The following DIAPH2 variants were observed in gnomAD, a reference collection of about 807,000 sequenced individuals.
DIAPH2 encodes diaphanous related formin 2, also known as protein diaphanous homolog 2.
A neutral mutation model predicts 92.7 loss-of-function variants in DIAPH2; 35 were observed. That is an observed-to-expected ratio of 0.38 (90% CI 0.29 to 0.50). The LOEUF (loss-of-function observed/expected upper bound fraction) is 0.50, where lower values mean the gene tolerates loss of function less well. DIAPH2 is among the 20% of genes least tolerant of loss of function. The probability of loss-of-function intolerance (pLI) is 0.94; values close to 1 mark genes in which losing one functional copy is unlikely to be tolerated. For synonymous variants in DIAPH2, 301 were observed against 280.4 expected (o/e 1.07, Z -0.73); for missense variants, 701 against 819.5 (o/e 0.86, Z 1.77).
intron 26 of DIAPH2, among the ~76,000 whole-genome samples, chrX:97,511,816 G>A (rs1294217771): frequency 1.8e-5 from 2 of 110,337 alleles, no homozygotes; most frequent in African/African-American, 3.3e-5. Flanking sequence ...TACATTTATT[G>A]ATTTGCATAT....
intron 19 of DIAPH2, 40 bp from the exon 20 acceptor site, chrX:97,099,654 T>C (rs761952877): frequency 2.1e-6 from 2 of 941,317 alleles, no homozygotes; most frequent in Admixed American, 3.5e-5. Flanking sequence ...AAAATTCTAA[T>C]ACTAAAACAC....
At chrX:97,034,673 G>T (rs778220931) in intron 17 of DIAPH2, among the ~76,000 whole-genome samples, 2 of 110,498 alleles carry the variant, frequency 1.8e-5, no homozygotes, top group African/African-American at 3.3e-5. Context: ...CTCTTTTCTC[G>T]TATAAAAAAA....
intron 22 of DIAPH2, among the ~76,000 whole-genome samples, chrX:97,243,670 CT>C (rs913712162): frequency 9.0e-6 from 1 of 111,122 alleles, no homozygotes; most frequent in East Asian, 2.8e-4. Context: ...GTGCCCTTTA[CT>C]TTTTTTTACT....
At chrX:97,031,352 G>A (rs1260248188) in intron 17 of DIAPH2, among the ~76,000 whole-genome samples, 1 of 95,654 alleles carries the variant, frequency 1.0e-5, no homozygotes, top group Middle Eastern at 5.1e-3. Flanking sequence ...TGGGGCGGGA[G>A]GGGGGGGGAC....
At chrX:97,492,824 T>C (rs1249422257) in intron 26 of DIAPH2, among the ~76,000 whole-genome samples, 3 of 112,397 alleles carry the variant, frequency 2.7e-5, no homozygotes, top group Non-Finnish European at 3.8e-5. Flanking sequence ...CTTTAAAATT[T>C]TTCTTTGACT....
At chrX:97,507,428 C>T (rs1218394347) in intron 26 of DIAPH2, among the ~76,000 whole-genome samples, 5 of 110,890 alleles carry the variant, frequency 4.5e-5, no homozygotes, top group Admixed American at 9.7e-5. Context: ...AAAACTCAAA[C>T]ACTACTTACT....
chrX:97,001,922 T>C (rs772609646), intron 17 of DIAPH2, among the ~76,000 whole-genome samples: 3 of 111,080 alleles, frequency 2.7e-5, no homozygotes, highest in Non-Finnish European at 5.7e-5. Flanking sequence ...TAGGGTACGA[T>C]ATTTTATGAA....
At chrX:97,238,127 C>T (rs1236899229) in intron 22 of DIAPH2, among the ~76,000 whole-genome samples, 1 of 112,083 alleles carries the variant, frequency 8.9e-6, no homozygotes, top group Non-Finnish European at 1.9e-5. Flanking sequence ...ACTGTCTGTC[C>T]ACTACTGTTG....
intron 23 of DIAPH2, among the ~76,000 whole-genome samples, chrX:97,272,891 CAT>C (rs772021203): frequency 1.8e-5 from 2 of 112,245 alleles, no homozygotes; most frequent in Non-Finnish European, 3.8e-5. Flanking sequence ...CGCAGTGGCT[CAT>C]GTGTGTAATC....
At chrX:96,914,585 T>A (rs5921875) in intron 7 of DIAPH2, among the ~76,000 whole-genome samples, 4,312 of 110,921 alleles carry the variant, frequency 0.039, 102 homozygotes, top group Middle Eastern at 0.084. Context: ...TGTTGTCAAT[T>A]GTCGTGGCTT....
intron 26 of DIAPH2, among the ~76,000 whole-genome samples, chrX:97,460,212 C>T (rs921497723): frequency 9.0e-6 from 1 of 111,672 alleles, no homozygotes; most frequent in Non-Finnish European, 1.9e-5. Flanking sequence ...CAGGCTCCTC[C>T]CCAGTGTAAA....
intron 23 of DIAPH2, among the ~76,000 whole-genome samples, chrX:97,334,142 A>G (rs2069026568): frequency 9.0e-6 from 1 of 110,658 alleles, no homozygotes; most frequent in African/African-American, 3.3e-5. Flanking sequence ...ACCTTATCTC[A>G]GAATAGTTCC....
intron 4 of DIAPH2, among the ~76,000 whole-genome samples, chrX:96,836,900 TG>T (rs1321342338): frequency 4.0e-5 from 4 of 99,741 alleles, no homozygotes; most frequent in Non-Finnish European, 8.1e-5. Flanking sequence ...GCTAATTTTT[TG>T]TATTTTTAGT....
chrX:97,509,181 G>A (rs926807855), intron 26 of DIAPH2, among the ~76,000 whole-genome samples: 26 of 109,217 alleles, frequency 2.4e-4, no homozygotes, highest in Non-Finnish European at 4.2e-4. Context: ...TGAGTAGCTG[G>A]GATTACAGAT....
intron 24 of DIAPH2, among the ~76,000 whole-genome samples, chrX:97,368,204 G>T (rs942337832): frequency 4.5e-5 from 5 of 111,830 alleles, no homozygotes; most frequent in South Asian, 3.7e-4. Context: ...TTAAATTCAG[G>T]TCCTATTATT....
chrX:97,311,846 G>A (rs1374205144), intron 23 of DIAPH2, among the ~76,000 whole-genome samples: 1 of 110,186 alleles, frequency 9.1e-6, no homozygotes, highest in Non-Finnish European at 1.9e-5. Context: ...TTGGGTGGGG[G>A]AGGACAGAGT....
intron 17 of DIAPH2, among the ~76,000 whole-genome samples, chrX:97,070,332 A>G (rs915621595): frequency 1.8e-5 from 2 of 111,917 alleles, no homozygotes; most frequent in East Asian, 5.6e-4. Flanking sequence ...TTTTAGTTTC[A>G]TCCAAGTAAC....
chrX:96,762,013 T>C (rs1045402602), intron 4 of DIAPH2, among the ~76,000 whole-genome samples: 3 of 111,870 alleles, frequency 2.7e-5, no homozygotes, highest in African/African-American at 9.7e-5. Context: ...TTTTATGATA[T>C]CCTTTTCAAC....
chrX:97,159,455 C>G (rs1184033518), intron 22 of DIAPH2, among the ~76,000 whole-genome samples: 3 of 111,726 alleles, frequency 2.7e-5, no homozygotes, highest in African/African-American at 6.5e-5. Context: ...TCCTTGTAGC[C>G]AAGAAACTCT....
Sources: allele counts gnomAD v4.1 joint callset (sites outside exome capture counted in the v4.1 genomes callset), GRCh38; gene constraint gnomAD v4.1.1; transcripts MANE v1.5; gene names NCBI Gene and HGNC (gene_info 2026-07-23, HGNC 2026-07-21).